Variants in CHD7 observed in about 807,000 individuals in gnomAD.
CHD7 encodes chromodomain helicase DNA binding protein 7.
In CHD7, 24 loss-of-function variants were observed where a neutral mutation model predicts 307.3. That is an observed-to-expected ratio of 0.08 (90% CI 0.06 to 0.11). The LOEUF is 0.11. Among genes scored for constraint, CHD7 ranks in the 10% least tolerant of loss-of-function variants. The pLI, the probability that CHD7 is intolerant of heterozygous loss-of-function variation, is 1.00. For missense variants in CHD7, 3,106 were observed against 3,727.1 expected (o/e 0.83, Z 4.34); for synonymous variants, 1,363 against 1,349.9 (o/e 1.01, Z -0.21).
intron 1 of CHD7, among the ~76,000 whole-genome samples, chr8:60,688,018 A>T (rs1385013941): frequency 6.6e-6 from 1 of 152,060 alleles, no homozygotes; most frequent in East Asian, 1.9e-4. Context: ...TTACCAGCCC[A>T]GGCTATTTTT....
intron 2 of CHD7, among the ~76,000 whole-genome samples, chr8:60,753,183 T>C (rs1251340153): frequency 6.6e-6 from 1 of 152,244 alleles, no homozygotes. Context: ...AAGTAGTATT[T>C]CATTTTTGTC....
At chr8:60,709,586 C>G (rs1051312429) in intron 1 of CHD7, among the ~76,000 whole-genome samples, 6 of 152,108 alleles carry the variant, frequency 3.9e-5, no homozygotes, top group African/African-American at 7.2e-5. Flanking sequence ...TTTATAGCAT[C>G]AAGTCCAATC....
At chr8:60,773,593 T>C (rs1810813760) in intron 2 of CHD7, among the ~76,000 whole-genome samples, 1 of 152,154 alleles carries the variant, frequency 6.6e-6, no homozygotes, top group Non-Finnish European at 1.5e-5. Flanking sequence ...GAAGTAGCAA[T>C]GAATCTGTGA....
At chr8:60,700,564 A>G (rs892593049) in intron 1 of CHD7, among the ~76,000 whole-genome samples, 5 of 152,218 alleles carry the variant, frequency 3.3e-5, no homozygotes, top group African/African-American at 1.2e-4. Flanking sequence ...GTTGGTAGCA[A>G]CTATTACGTT....
Position 60,856,663 on chromosome 8 carries a change from T to G in CHD7, c.7383T>G (p.Leu2461=). The change falls in exon 34 of 38, where the codon CTT becomes CTG. Residue 2461 remains leucine (L), a synonymous_variant. Coordinates refer to ENST00000423902, the MANE Select transcript of CHD7 (RefSeq NM_017780.4). ...GCTCTACCTCAAATTTTTCATCTCT[T>G]TCTTCAAAGTTTATCTTGCCTAATG... The part of the protein sequence containing the change: ...ATSSTSNFSS[L]SSKFILPNVS... 1 of 1,614,038 alleles carries G rather than the reference T, an allele frequency of 6.2e-7. No individual in the cohort carries two copies. Among genetic ancestry groups the G allele is most frequent in the Non-Finnish European group, 8.5e-7 (1 of 1,179,896 alleles).
At chr8:60,816,327 G>A in intron 7 of CHD7, 60 bp from the exon 8 acceptor site, 1 of 944,984 alleles carries the variant, frequency 1.1e-6, no homozygotes, top group African/African-American at 1.7e-5. Flanking sequence ...TTTTGAATAA[G>A]ACATAATAAA....
chr8:60,678,907 A>C lies in CHD7; in HGVS notation c.-350A>C, dbSNP rs1805412995. ...GAAATTACACAAAGGAGCGCCGCGG[A>C]GGAGGCGGCCCGGGGACCCGGACAC... is the stretch of plus-strand genomic sequence containing the variant. On this transcript the variant is annotated 5_prime_UTR_variant, in exon 1 of 38. Coordinates refer to ENST00000423902, the MANE Select transcript of CHD7 (RefSeq NM_017780.4). The C allele has an allele frequency of 6.6e-6, 1 of 152,296 alleles. No homozygotes were observed. 9.4% of individuals were successfully genotyped at this position (152,296 alleles called of 1,614,324 possible). A position where few individuals can be genotyped will look rare whatever the true frequency, so the allele number is the denominator to read the frequency against.
chr8:60,711,626 T>G (rs1353352655), intron 1 of CHD7, among the ~76,000 whole-genome samples: 1 of 152,232 alleles, frequency 6.6e-6, no homozygotes, highest in African/African-American at 2.4e-5. Context: ...CTCCAACAAC[T>G]GAACACTGTG....
At chr8:60,784,733 A>C (rs760798031) in intron 3 of CHD7, among the ~76,000 whole-genome samples, 1 of 152,164 alleles carries the variant, frequency 6.6e-6, no homozygotes, top group Non-Finnish European at 1.5e-5. Flanking sequence ...ATGATCATAC[A>C]TGTCTTTCCT....
intron 1 of CHD7, among the ~76,000 whole-genome samples, chr8:60,730,118 G>T (rs899059222): frequency 1.3e-5 from 2 of 152,196 alleles, no homozygotes; most frequent in African/African-American, 4.8e-5. Flanking sequence ...GCTTTGTATT[G>T]TAGTTTTAAA....
chr8:60,837,945 G>A lies in CHD7; in HGVS notation c.4353+110G>A, dbSNP rs1422552318. ...TTATTTTTCGACCTCAATATTTTAA[G>A]TGTATTTTGTAACACTTTCCTTTGT... is the stretch of plus-strand genomic sequence containing the variant. On this transcript the variant is annotated intron_variant, in intron 18 of 37. Coordinates refer to ENST00000423902, the MANE Select transcript of CHD7 (RefSeq NM_017780.4). 4 of 1,280,332 alleles carry A rather than the reference G, an allele frequency of 3.1e-6. No homozygotes were observed. In the East Asian group the frequency reaches 7.6e-5, roughly 24 times the overall value. 79.3% of individuals were successfully genotyped at this position (1,280,332 alleles called of 1,614,324 possible). A position where few individuals can be genotyped will look rare whatever the true frequency, so the allele number is the denominator to read the frequency against.
In CHD7 at chr8:60,786,566, A is replaced by G. The variant is rs149853838; in HGVS notation, c.2096+5136A>G. On this transcript the variant is annotated intron_variant, in intron 3 of 37. Transcript: ENST00000423902. ...CCCACTTTCAACTTCCACTGCACCT[A>G]TCAAATGGAAGTTCAGGTGTAAGGA... is the stretch of plus-strand genomic sequence containing the variant. Among the ~76,000 whole-genome samples, 17 of 152,106 alleles carry G rather than the reference A, an allele frequency of 1.1e-4. No individual in the cohort carries two copies. In the East Asian group the frequency reaches 2.5e-3, roughly 23 times the overall value.
intron 8 of CHD7, among the ~76,000 whole-genome samples, chr8:60,819,657 C>T (rs1310330723): frequency 3.3e-5 from 5 of 152,220 alleles, no homozygotes; most frequent in Non-Finnish European, 4.4e-5. Context: ...TTCTTCATTG[C>T]AAACTGTAGT....
chr8:60,808,030 A>G (rs1051181870), intron 6 of CHD7, among the ~76,000 whole-genome samples, 187 bp from the exon 7 acceptor site: 2 of 152,270 alleles, frequency 1.3e-5, no homozygotes, highest in Non-Finnish European at 1.5e-5. Context: ...AGGTGCGTGC[A>G]TGGGCCTGAG....
intron 1 of CHD7, among the ~76,000 whole-genome samples, chr8:60,731,791 C>T (rs977570318): frequency 6.6e-6 from 1 of 152,210 alleles, no homozygotes; most frequent in Admixed American, 6.5e-5. Flanking sequence ...TTCTAATACT[C>T]TTCCAAAGAT....
Position 60,741,693 on chromosome 8 carries a change from C to G in CHD7, c.261C>G (p.Asn87Lys), listed in dbSNP as rs1358881216. 1 of 1,613,856 alleles carries G rather than the reference C, an allele frequency of 6.2e-7. No homozygotes were observed. Among genetic ancestry groups the G allele is most frequent in the East Asian group, 2.2e-5 (1 of 44,896 alleles). ...QQKMHLMDQPNRMMSNTPGNG... is the reference protein window; with the variant it reads ...QQKMHLMDQPKRMMSNTPGNG... ...AGATGCATCTGATGGATCAGCCGAA[C>G]AGAATGATGAGCAACACCCCTGGGA... Residue 87 changes from asparagine to lysine, a missense_variant, in exon 2 of 38, where the codon AAC (asparagine) becomes AAG (lysine). This residue lies in a region of CHD7 where 998 missense variants were observed against 1,004.5 expected (regional missense o/e 0.99). Coordinates refer to ENST00000423902, the MANE Select transcript of CHD7 (RefSeq NM_017780.4).
intron 25 of CHD7, among the ~76,000 whole-genome samples, chr8:60,850,078 G>A (rs780295199): frequency 2.6e-5 from 4 of 152,136 alleles, no homozygotes; most frequent in Non-Finnish European, 4.4e-5. Context: ...CCAGCCATGC[G>A]AGTTCCTGCA....
At chr8:60,707,977 T>C (rs763042122) in intron 1 of CHD7, among the ~76,000 whole-genome samples, 7 of 152,106 alleles carry the variant, frequency 4.6e-5, no homozygotes, top group Non-Finnish European at 1.0e-4. Flanking sequence ...ATGTGGCCAG[T>C]TAAAGTGTGG....
chr8:60,848,493 C>G, intron 23 of CHD7, 22 bp from the exon 24 acceptor site: 1 of 1,586,310 alleles, frequency 6.3e-7, no homozygotes, highest in Admixed American at 1.7e-5. Context: ...GAACTTTTTC[C>G]CCCCTCTGTC....
Sources: gnomAD v4.1 joint callset for allele counts (sites outside exome capture counted in the v4.1 genomes callset) on GRCh38, gnomAD v4.1.1 for gene constraint, gnomAD v4.1.1 regional missense constraint, MANE v1.5 for transcripts, NCBI Gene and HGNC (gene_info 2026-07-23, HGNC 2026-07-21) for gene names.